CLUL1: variants seen among roughly 807,000 people sequenced by gnomAD.
CLUL1 encodes clusterin like 1, also known as clusterin-like protein 1.
Under a neutral mutation model 49.4 loss-of-function variants are expected in CLUL1, and 43 were observed. That is an observed-to-expected ratio of 0.87 (90% CI 0.68 to 1.12). The LOEUF (loss-of-function observed/expected upper bound fraction) is 1.12, where lower values mean the gene tolerates loss of function less well. CLUL1 is among the 50% of genes most tolerant of loss of function. The pLI, the probability that CLUL1 is intolerant of heterozygous loss-of-function variation, is 0.00. For synonymous variants in CLUL1, 192 were observed against 184.9 expected, an observed-to-expected ratio of 1.04 and a Z score of -0.31; for missense variants, 486 against 544.4, an observed-to-expected ratio of 0.89 and a Z score of 1.07.
At chr18:646,744 TTTTC>T (rs1347150164) in intron 9 of CLUL1, among the ~76,000 whole-genome samples, 12 of 151,516 alleles carry the variant, frequency 7.9e-5, no homozygotes, top group South Asian at 2.1e-4. Context: ...TTCTTTCCTT[TTTTC>T]TTTCTTTCTT....
Position 649,899 on chromosome 18 carries a change from TA to T in CLUL1, c.1401del (p.Ter467=). 7.4e-7 allele frequency: 1 copy of T among 1,348,008 alleles called. No homozygotes were observed. Among genetic ancestry groups the T allele is most frequent in the Non-Finnish European group, 1.0e-6 (1 of 953,222 alleles). 83.5% of individuals were successfully genotyped at this position (1,348,008 alleles called of 1,614,324 possible). A position where few individuals can be genotyped will look rare whatever the true frequency, so the allele number is the denominator to read the frequency against. Reference protein sequence around the residue: ...QHFKEHFKTW* With the variant: ...QHFKEHFKTWX ...GCTGCCTTTTTTTTTTTTTTTAAGG[TA>T]AGAAGATCTAATGCATCCTATATCC... On this transcript the variant is annotated frameshift_variant and stop_lost and splice_region_variant, in exon 10 of 10. Coordinates refer to ENST00000692774, the MANE Select transcript of CLUL1 (RefSeq NM_001393344.1). LOFTEE classifies it high-confidence loss of function.
chr18:613,241 C>T (rs576071530), intron 2 of CLUL1: 9 of 453,886 alleles, frequency 2.0e-5, no homozygotes, highest in Non-Finnish European at 3.1e-5. Context: ...CAGGTTCAAG[C>T]GATTCTCCTG....
rs766405796 is a variant in CLUL1, at chr18:617,978, T to A, written c.-13-10T>A. 6.2e-6 allele frequency: 10 copies of A among 1,611,094 alleles called. No homozygotes were observed. In the East Asian group the frequency reaches 1.1e-4, roughly 18 times the overall value. ...AAGACATTTGATGCGGGTTTATTTT[T>A]CCTTTGCAGTAACAGCGGGAACATG... On this transcript the variant is annotated splice_polypyrimidine_tract_variant and intron_variant, in intron 2 of 9. Coordinates refer to ENST00000692774, the MANE Select transcript of CLUL1 (RefSeq NM_001393344.1).
At chr18:611,190 G>A (rs1035871091) in intron 2 of CLUL1, among the ~76,000 whole-genome samples, 1 of 148,626 alleles carries the variant, frequency 6.7e-6, no homozygotes, top group Non-Finnish European at 1.5e-5. Context: ...CTGCACCTTT[G>A]CATCTTTCAG....
intron 5 of CLUL1, among the ~76,000 whole-genome samples, chr18:626,875 GA>G (rs1274372210): frequency 0.017 from 4 of 230 alleles, no homozygotes; most frequent in Admixed American, 0.056. Flanking sequence ...AAGAAAGAAA[GA>G]AAGAAAGAAA....
chr18:646,487 CAGAT>C (rs149368760), intron 9 of CLUL1, among the ~76,000 whole-genome samples: 1,347 of 127,762 alleles, frequency 0.011, 23 homozygotes, highest in African/African-American at 0.037. Context: ...GGGCACAAGA[CAGAT>C]AGATAGACAC....
At position 605,342 on chromosome 18, in the gene CLUL1, A is replaced by G. The variant is rs372715990; in HGVS notation, c.-135-1636A>G. Among the ~76,000 whole-genome samples the G allele has an allele frequency of 8.3e-4, 126 of 152,318 alleles. 4 individuals are homozygous for G. In the East Asian group the frequency reaches 0.016, roughly 19 times the overall value. On this transcript the variant is annotated intron_variant, in intron 1 of 9. Transcript: ENST00000692774. ...GTCACGGAAAGTGTCAAAAATGAAAATGAGGCAGGGTGTGGTGGCTCACGC... is the reference window on the plus strand; with the variant it reads ...GTCACGGAAAGTGTCAAAAATGAAAGTGAGGCAGGGTGTGGTGGCTCACGC...
chr18:628,210 A>T (rs972458637), intron 6 of CLUL1, among the ~76,000 whole-genome samples: 3 of 152,244 alleles, frequency 2.0e-5, no homozygotes, highest in Non-Finnish European at 4.4e-5. Context: ...ATTGATCTGG[A>T]ATCCTCAACT....
At chr18:626,864 TAA>T (rs1491415685) in intron 5 of CLUL1, among the ~76,000 whole-genome samples, 15 of 70,898 alleles carry the variant, frequency 2.1e-4, no homozygotes, top group Admixed American at 9.1e-4. Flanking sequence ...CCATCTCAAA[TAA>T]GAAAGAAAGA....
chr18:607,308 T>C (rs1488131105), intron 2 of CLUL1, among the ~76,000 whole-genome samples: 1 of 152,166 alleles, frequency 6.6e-6, no homozygotes, highest in Non-Finnish European at 1.5e-5. Flanking sequence ...TTTGTATTTT[T>C]AGTAGAGATG....
Position 645,801 on chromosome 18 carries a change from AAAAAAAAAAATATATATATATAT to A in CLUL1, c.1397+706_1397+728del, listed in dbSNP as rs1262971396. 4.9e-4 allele frequency among the ~76,000 whole-genome samples: 25 copies of A among 50,996 alleles called. 4 individuals are homozygous for A. The highest frequency in any genetic ancestry group is 2.0e-3 in the African/African-American group (25 of 12,484). The allele number at this position is 50,996 out of a possible 152,430, so 33.5% of individuals were successfully genotyped here. On this transcript the variant is annotated intron_variant, in intron 9 of 9. Transcript: ENST00000692774. ...AGAGCGAGACTCTGTTTAAAAAAAA[AAAAAAAAAAATATATATATATAT>A]ATATATATATATATATATATATATA...
Position 618,107 on chromosome 18 carries a change from G to C in CLUL1, c.106+1G>C. ...ACTGCTATCAGTGAAAACCTGAAGA[G>C]TACGTTTGGTTTCTTATCTGTGCTG... On this transcript the variant is annotated splice_donor_variant, in intron 3 of 9. Transcript: ENST00000692774. LOFTEE classifies it high-confidence loss of function. This position sits in a 1 kb window ranked among gnomAD's most constrained non-coding sequence, Gnocchi z 4.2. The C allele has an allele frequency of 3.1e-6, 5 of 1,608,574 alleles. No homozygotes were observed. The highest frequency in any genetic ancestry group is 1.1e-5 in the South Asian group (1 of 90,940).
At position 627,726 on chromosome 18, in the gene CLUL1, A is replaced by G. The variant is rs182574512; in HGVS notation, c.856+197A>G. Among the ~76,000 whole-genome samples, 5 of 152,294 alleles carry G rather than the reference A, an allele frequency of 3.3e-5. No homozygotes were observed. In the East Asian group the frequency reaches 9.6e-4, roughly 29 times the overall value. On this transcript the variant is annotated intron_variant, in intron 6 of 9. Coordinates refer to ENST00000692774, the MANE Select transcript of CLUL1 (RefSeq NM_001393344.1). Reference sequence around the variant, plus strand: ...CATCCCTCTTCCATCATCGTTGAGAACTGAACTCTTTCTAGAGCAAATTTT... The same window carrying G: ...CATCCCTCTTCCATCATCGTTGAGAGCTGAACTCTTTCTAGAGCAAATTTT...
In CLUL1 at chr18:633,312, G is replaced by A; in HGVS notation, c.871G>A (p.Gly291Ser). 1 of 1,612,810 alleles carries A rather than the reference G, an allele frequency of 6.2e-7. No homozygotes were observed. The highest frequency in any genetic ancestry group is 8.5e-7 in the Non-Finnish European group (1 of 1,179,226). ...PKQDKAPDHG[G>S]LISKMLPGQD... ...GTTCCCTGTAGCTCCTGACCACGGAGGCCTGATTTCAAAGATGTTACCTGG... is the reference window on the plus strand; with the variant it reads ...GTTCCCTGTAGCTCCTGACCACGGAAGCCTGATTTCAAAGATGTTACCTGG... The change falls in exon 7 of 10, where the codon GGC (glycine) becomes AGC (serine). Residue 291 changes from glycine (G) to serine (S), a missense_variant. By Grantham distance (56) the Gly-to-Ser change is moderately conservative (BLOSUM62 0). Transcript: ENST00000692774.
At chr18:629,914 G>A (rs1430251725) in intron 6 of CLUL1, among the ~76,000 whole-genome samples, 2 of 152,120 alleles carry the variant, frequency 1.3e-5, no homozygotes, top group African/African-American at 4.8e-5. Flanking sequence ...GGTAGTTGGT[G>A]AGGAATAAGC....
chr18:644,834 C>A, intron 8 of CLUL1, 76 bp from the exon 9 acceptor site: 1 of 1,159,048 alleles, frequency 8.6e-7, no homozygotes, highest in Non-Finnish European at 1.2e-6. Context: ...CCTATCCTGA[C>A]TAAGGTGGTA....
At chr18:649,593 G>A (rs1400194374) in intron 9 of CLUL1, 1 of 239,928 alleles carries the variant, frequency 4.2e-6, no homozygotes, top group Non-Finnish European at 7.9e-6. Flanking sequence ...AGTAACAGAA[G>A]TTTACTGACC....
rs1161551213 is a variant in CLUL1, at chr18:627,200, A to T, written c.527A>T (p.Gln176Leu). ...ISEKLIEEDA[Q>L]LTQMEDVFSQ... The stretch of plus-strand genomic sequence containing the variant: ...GAAAAGCTCATTGAGGAAGATGCAC[A>T]ATTGACCCAAATGGAGGATGTGTTC... The change falls in exon 6 of 10, where the codon CAA (glutamine) becomes CTA (leucine). Residue 176 changes from glutamine to leucine, a missense_variant. Physicochemically the swap from Gln to Leu is moderately radical, Grantham distance 113 (BLOSUM62 -2). Transcript: ENST00000692774. 6.2e-7 allele frequency: 1 copy of T among 1,613,904 alleles called. No individual in the cohort carries two copies. Among genetic ancestry groups the T allele is most frequent in the Non-Finnish European group, 8.5e-7 (1 of 1,179,948 alleles).
At chr18:612,553 C>T (rs2073167067) in intron 2 of CLUL1, among the ~76,000 whole-genome samples, 1 of 152,160 alleles carries the variant, frequency 6.6e-6, no homozygotes, top group Non-Finnish European at 1.5e-5. Flanking sequence ...TTTCATTTTG[C>T]ACTGGGTCCT....
Sources: allele counts gnomAD v4.1 joint callset (sites outside exome capture counted in the v4.1 genomes callset), GRCh38; gene constraint gnomAD v4.1.1; non-coding constraint Gnocchi (gnomAD v3.1); transcripts MANE v1.5; gene names NCBI Gene and HGNC (gene_info 2026-07-23, HGNC 2026-07-21).